CACNA2D3: variants seen among roughly 807,000 people sequenced by gnomAD.
CACNA2D3 encodes the protein voltage-dependent calcium channel subunit alpha-2/delta-3.
In CACNA2D3, 60 loss-of-function variants were observed where a neutral mutation model predicts 160.6. The ratio of observed to expected loss-of-function variants is 0.37; its 90% CI spans 0.30 to 0.46. The LOEUF (loss-of-function observed/expected upper bound fraction) is 0.46, where lower values mean the gene tolerates loss of function less well. Among genes scored for constraint, CACNA2D3 ranks in the 20% least tolerant of loss-of-function variants. The probability of loss-of-function intolerance (pLI) is 1.00; values close to 1 mark genes in which losing one functional copy is unlikely to be tolerated. For synonymous variants in CACNA2D3, 558 were observed against 492.9 expected (o/e 1.13, Z -1.75); for missense variants, 1,205 against 1,365.0 (o/e 0.88, Z 1.85).
intron 29 of CACNA2D3, among the ~76,000 whole-genome samples, chr3:54,979,963 A>G (rs569090899): frequency 6.0e-4 from 92 of 152,322 alleles, no homozygotes; most frequent in African/African-American, 1.9e-3. Flanking sequence ...AATTATAACT[A>G]TTAATAACAT....
chr3:55,073,819 T>A lies in CACNA2D3; in HGVS notation c.3143T>A (p.Ile1048Asn). Residue 1048 changes from isoleucine to asparagine, a missense_variant, in exon 37 of 38, where the codon ATC becomes AAC. Physicochemically the swap from Ile to Asn is moderately radical, Grantham distance 149. This residue lies in a region of CACNA2D3 where 911 missense variants were observed against 1,002.2 expected (regional missense o/e 0.91). Transcript: ENST00000474759. ...TGTGAACGTCTAAAGGCCCAGAAGA[T>A]CAGAAGGCGCCCAGAATCTTGTCAT... ...LKCERLKAQK[I>N]RRRPESCHGF... 1 of 1,613,792 alleles carries A rather than the reference T, an allele frequency of 6.2e-7. No individual in the cohort carries two copies. The highest frequency in any genetic ancestry group is 8.5e-7 in the Non-Finnish European group (1 of 1,179,802).
intron 3 of CACNA2D3, among the ~76,000 whole-genome samples, chr3:54,346,400 T>A (rs968854061): frequency 6.6e-6 from 1 of 151,352 alleles, no homozygotes; most frequent in African/African-American, 2.5e-5. Context: ...CCAAATAGCC[T>A]TTGCCATAGT....
intron 29 of CACNA2D3, among the ~76,000 whole-genome samples, chr3:54,977,177 CA>C (rs1702409392): frequency 6.6e-6 from 1 of 152,054 alleles, no homozygotes; most frequent in African/African-American, 2.4e-5. Flanking sequence ...AGAATGACCA[CA>C]AAAAGGGTAA....
chr3:54,732,968 A>G (rs567899142), intron 11 of CACNA2D3, among the ~76,000 whole-genome samples: 2 of 152,374 alleles, frequency 1.3e-5, no homozygotes, highest in East Asian at 1.9e-4. Flanking sequence ...CATCGGTGGA[A>G]GTAAAACTGA....
chr3:54,475,157 A>G (rs973005686), intron 4 of CACNA2D3, among the ~76,000 whole-genome samples: 1 of 152,132 alleles, frequency 6.6e-6, no homozygotes, highest in African/African-American at 2.4e-5. Flanking sequence ...GAGACCTGAG[A>G]CTAAAGGCTG....
chr3:54,549,242 C>T (rs1186327861), intron 5 of CACNA2D3, among the ~76,000 whole-genome samples: 4 of 152,068 alleles, frequency 2.6e-5, no homozygotes, highest in South Asian at 2.1e-4. Flanking sequence ...GTCGGGAGAT[C>T]GAGACCATCC....
chr3:54,507,729 GCCAGAGTCACAC>G (rs1010570732), intron 5 of CACNA2D3, among the ~76,000 whole-genome samples: 10 of 152,272 alleles, frequency 6.6e-5, no homozygotes, highest in Non-Finnish European at 8.8e-5. Context: ...GGAGGCTGGG[GCCAGAGTCACAC>G]CCAGAGTCAC....
intron 27 of CACNA2D3, among the ~76,000 whole-genome samples, chr3:54,910,829 T>C (rs1297995734): frequency 6.6e-6 from 1 of 152,204 alleles, no homozygotes; most frequent in Non-Finnish European, 1.5e-5. Context: ...ATAGCCTTGA[T>C]AATTTAAAAT....
intron 26 of CACNA2D3, among the ~76,000 whole-genome samples, chr3:54,898,456 A>C (rs774649130): frequency 1.3e-4 from 20 of 152,052 alleles, no homozygotes; most frequent in Non-Finnish European, 5.9e-5. Context: ...CTGCTGACCT[A>C]AAGTGATCCA....
intron 11 of CACNA2D3, among the ~76,000 whole-genome samples, chr3:54,698,760 C>G (rs185158654): frequency 3.3e-5 from 5 of 152,164 alleles, no homozygotes; most frequent in Non-Finnish European, 5.9e-5. Context: ...GAAATAAACA[C>G]ATTTGCCTAA....
chr3:54,206,838 AC>A (rs1034862546), intron 2 of CACNA2D3, among the ~76,000 whole-genome samples: 2 of 152,136 alleles, frequency 1.3e-5, no homozygotes, highest in African/African-American at 4.8e-5. Flanking sequence ...TGTTGAAACA[AC>A]CCCTAAATTT....
intron 27 of CACNA2D3, chr3:54,918,995 C>CTT: frequency 2.3e-5 from 16 of 707,796 alleles, no homozygotes; most frequent in South Asian, 4.2e-5. Flanking sequence ...TATGAAGTAC[C>CTT]TTTTTTTTTT....
intron 11 of CACNA2D3, among the ~76,000 whole-genome samples, chr3:54,743,616 A>G (rs1040410513): frequency 3.9e-5 from 6 of 152,160 alleles, no homozygotes; most frequent in African/African-American, 1.4e-4. Context: ...TTCCCCTTTG[A>G]CATAAGTCAA....
intron 4 of CACNA2D3, among the ~76,000 whole-genome samples, chr3:54,387,643 G>C (rs750825303): frequency 6.8e-6 from 1 of 147,338 alleles, no homozygotes; most frequent in Non-Finnish European, 1.5e-5. Context: ...CAGAGTGAGA[G>C]TCTGTCTCAA....
intron 2 of CACNA2D3, among the ~76,000 whole-genome samples, chr3:54,215,739 G>A (rs983569344): frequency 6.6e-6 from 1 of 152,160 alleles, no homozygotes; most frequent in Non-Finnish European, 1.5e-5. Context: ...AATCACCCTA[G>A]TGCCCCTAGG....
intron 13 of CACNA2D3, among the ~76,000 whole-genome samples, chr3:54,805,663 GT>G (rs1575485385): frequency 6.6e-6 from 1 of 152,218 alleles, no homozygotes; most frequent in East Asian, 1.9e-4. Flanking sequence ...AACTATTCCA[GT>G]CAATAGAAAA....
chr3:54,764,622 T>G (rs990088717), intron 13 of CACNA2D3, among the ~76,000 whole-genome samples: 4 of 152,208 alleles, frequency 2.6e-5, no homozygotes, highest in Admixed American at 1.3e-4. Context: ...TGTCCCACTT[T>G]TTCACATGTG....
chr3:54,910,582 T>C (rs896942258), intron 27 of CACNA2D3, among the ~76,000 whole-genome samples: 1 of 152,172 alleles, frequency 6.6e-6, no homozygotes, highest in Non-Finnish European at 1.5e-5. Context: ...GCTGATTCAC[T>C]CATCTCCCTA....
chr3:55,051,825 C>G (rs1163776593), intron 35 of CACNA2D3, among the ~76,000 whole-genome samples: 1 of 152,128 alleles, frequency 6.6e-6, no homozygotes, highest in Non-Finnish European at 1.5e-5. Context: ...TTTTTTAAGC[C>G]CGTCGGAAAA....
Sources: gnomAD v4.1 joint callset for allele counts (sites outside exome capture counted in the v4.1 genomes callset) on GRCh38, gnomAD v4.1.1 for gene constraint, gnomAD v4.1.1 regional missense constraint, MANE v1.5 for transcripts, NCBI Gene and HGNC (gene_info 2026-07-23, HGNC 2026-07-21) for gene names.